The following NTRK2 variants were observed in gnomAD, a reference collection of about 807,000 sequenced individuals.
The protein encoded by NTRK2 is neurotrophic receptor tyrosine kinase 2, also known as BDNF/NT-3 growth factors receptor.
NTRK2 carries 13 observed loss-of-function variants against 94.5 expected under a neutral mutation model. The ratio of observed to expected loss-of-function variants is 0.14; its 90% CI spans 0.09 to 0.22. NTRK2 has a LOEUF of 0.22. NTRK2 is among the 10% of genes least tolerant of loss of function. NTRK2 has a pLI of 1.00. For missense variants in NTRK2, 639 were observed against 1,071.2 expected, an observed-to-expected ratio of 0.60 and a Z score of 5.63; for synonymous variants, 372 against 407.4, an observed-to-expected ratio of 0.91 and a Z score of 1.05.
chr9:84,804,254 G>A (rs1237724793), intron 12 of NTRK2, among the ~76,000 whole-genome samples: 2 of 152,018 alleles, frequency 1.3e-5, no homozygotes, highest in East Asian at 3.9e-4. Flanking sequence ...TGAGGGGTCT[G>A]AGGCGCATCA....
At chr9:84,712,105 G>A (rs1349659701) in intron 6 of NTRK2, among the ~76,000 whole-genome samples, 1 of 152,156 alleles carries the variant, frequency 6.6e-6, no homozygotes, top group Non-Finnish European at 1.5e-5. Context: ...CCCCATGGCA[G>A]TTGTGGCCAC....
intron 12 of NTRK2, among the ~76,000 whole-genome samples, chr9:84,757,153 T>C (rs1476267558): frequency 6.6e-6 from 1 of 152,048 alleles, no homozygotes. Flanking sequence ...CCCTCTTCCT[T>C]CTTCTTTTTT....
chr9:84,698,214 A>C (rs988613478), intron 2 of NTRK2, among the ~76,000 whole-genome samples: 12 of 152,004 alleles, frequency 7.9e-5, no homozygotes, highest in African/African-American at 2.7e-4. Flanking sequence ...TATACTTGGC[A>C]TATCTACTTG....
intron 17 of NTRK2, among the ~76,000 whole-genome samples, chr9:85,012,951 C>A (rs1173393802): frequency 6.6e-6 from 1 of 152,140 alleles, no homozygotes; most frequent in Non-Finnish European, 1.5e-5. Flanking sequence ...AAATACTTGG[C>A]CTTGAAGTTA....
At chr9:84,862,632 C>A (rs1043581952) in intron 13 of NTRK2, among the ~76,000 whole-genome samples, 7 of 152,158 alleles carry the variant, frequency 4.6e-5, no homozygotes, top group Non-Finnish European at 1.0e-4. Flanking sequence ...GTGAGACCAA[C>A]AATTTAGGAG....
At chr9:84,915,833 G>C (rs901992292) in intron 14 of NTRK2, among the ~76,000 whole-genome samples, 9 of 152,122 alleles carry the variant, frequency 5.9e-5, no homozygotes, top group Non-Finnish European at 7.4e-5. Flanking sequence ...AACTACTCAA[G>C]TGTAGAAGAA....
Position 84,908,666 on chromosome 9 carries a change from G to T in NTRK2, c.1634-25496G>T, listed in dbSNP as rs76563526. Among the ~76,000 whole-genome samples the T allele has an allele frequency of 2.0e-3, 310 of 152,278 alleles. 1 individual carries two copies. The highest frequency in any genetic ancestry group is 7.1e-3 in the African/African-American group (295 of 41,552). On this transcript the variant is annotated intron_variant, in intron 14 of 18. Transcript: ENST00000277120. ...CAGGGTGCTTGCTAGGCACAGTGGG[G>T]TATTTATGGATAAATAATACATGAG...
intron 13 of NTRK2, among the ~76,000 whole-genome samples, chr9:84,866,945 G>C (rs966908587): frequency 6.6e-6 from 1 of 152,188 alleles, no homozygotes; most frequent in Non-Finnish European, 1.5e-5. Context: ...ATGATGTTAA[G>C]TGAAGGAAGC....
chr9:84,837,143 T>C (rs7855888), intron 12 of NTRK2, among the ~76,000 whole-genome samples: 57,747 of 151,782 alleles, frequency 0.38, 13,343 homozygotes, highest in African/African-American at 0.66. Flanking sequence ...TGAGTGTCTA[T>C]ACCATGTCAG....
chr9:84,857,659 T>A (rs1415438024), intron 12 of NTRK2, among the ~76,000 whole-genome samples: 1 of 152,196 alleles, frequency 6.6e-6, no homozygotes, highest in Non-Finnish European at 1.5e-5. Context: ...ACATAATGAC[T>A]GAGTTAATTT....
rs1477889255 is a variant in NTRK2, at chr9:84,924,680, T to TC, written c.1634-9476dup. 2.6e-5 allele frequency among the ~76,000 whole-genome samples: 4 copies of TC among 152,270 alleles called. No individual in the cohort carries two copies. In the East Asian group the frequency reaches 5.8e-4, roughly 22 times the overall value. ...ACAGCTTGAAAGATTTCTGGGGCTTTCCCCCCTTGGCTTTTTTCTAGAAGT... is the reference window on the plus strand; with the variant it reads ...ACAGCTTGAAAGATTTCTGGGGCTTTCCCCCCCTTGGCTTTTTTCTAGAAGT... On this transcript the variant is annotated intron_variant, in intron 14 of 18. Coordinates refer to ENST00000277120, the MANE Select transcript of NTRK2 (RefSeq NM_006180.6).
intron 12 of NTRK2, among the ~76,000 whole-genome samples, chr9:84,798,912 CTATA>C (rs57167822): frequency 0.029 from 3,648 of 127,996 alleles, 219 homozygotes; most frequent in African/African-American, 0.11. Flanking sequence ...CTTCTAAGTG[CTATA>C]TATATATATA....
At chr9:84,943,780 T>C (rs2078493725) in intron 15 of NTRK2, among the ~76,000 whole-genome samples, 1 of 152,162 alleles carries the variant, frequency 6.6e-6, no homozygotes, top group Non-Finnish European at 1.5e-5. Flanking sequence ...AAAACAGAGA[T>C]GATTTTTATA....
chr9:84,972,960 C>G (rs895762309), intron 17 of NTRK2, among the ~76,000 whole-genome samples: 2 of 152,238 alleles, frequency 1.3e-5, no homozygotes, highest in African/African-American at 4.8e-5. Context: ...TCTCCCTACG[C>G]TCTCCATTGA....
At chr9:84,825,337 G>A (rs978130500) in intron 12 of NTRK2, among the ~76,000 whole-genome samples, 3 of 151,904 alleles carry the variant, frequency 2.0e-5, no homozygotes, top group Admixed American at 6.6e-5. Flanking sequence ...GGCAACTTGC[G>A]CAGCTGAGTA....
At chr9:85,018,777 A>G (rs1157750552) in intron 17 of NTRK2, among the ~76,000 whole-genome samples, 1 of 152,204 alleles carries the variant, frequency 6.6e-6, no homozygotes, top group Non-Finnish European at 1.5e-5. Flanking sequence ...ACCTTCAGAC[A>G]TCAAGTAAGA....
intron 17 of NTRK2, among the ~76,000 whole-genome samples, chr9:84,963,158 A>C (rs989382242): frequency 2.6e-5 from 4 of 152,208 alleles, no homozygotes; most frequent in African/African-American, 4.8e-5. Flanking sequence ...TTTTTCCTGC[A>C]CACCTTTTTC....
At chr9:84,679,378 C>T (rs2059258384) in intron 2 of NTRK2, among the ~76,000 whole-genome samples, 1 of 152,140 alleles carries the variant, frequency 6.6e-6, no homozygotes, top group African/African-American at 2.4e-5. Context: ...GTAAAGAAAT[C>T]TTGACTTGTG....
chr9:84,690,689 A>C (rs2059997151), intron 2 of NTRK2, among the ~76,000 whole-genome samples: 1 of 151,946 alleles, frequency 6.6e-6, no homozygotes, highest in African/African-American at 2.4e-5. Context: ...ACTGCACTCC[A>C]GCCTGGGCGA....
Sources: allele counts gnomAD v4.1 joint callset (sites outside exome capture counted in the v4.1 genomes callset), GRCh38; gene constraint gnomAD v4.1.1; transcripts MANE v1.5; gene names NCBI Gene and HGNC (gene_info 2026-07-23, HGNC 2026-07-21).